The following EYS variants were observed in gnomAD, a reference collection of about 807,000 sequenced individuals.
The protein encoded by EYS is EGF-like photoreceptor maintenance factor, also known as protein eyes shut homolog.
In EYS, 250 loss-of-function variants were observed where a neutral mutation model predicts 282.1. That is an observed-to-expected ratio of 0.89 (90% confidence interval 0.80 to 0.98). EYS has a LOEUF of 0.98. Among genes scored for constraint, EYS ranks in the 50% least tolerant of loss-of-function variants. EYS has a pLI of 0.00. For missense variants in EYS, 4,016 were observed against 3,709.0 expected, an observed-to-expected ratio of 1.08 and a Z score of -2.15; for synonymous variants, 1,355 against 1,282.9, an observed-to-expected ratio of 1.06 and a Z score of -1.20.
chr6:63,907,757 C>G (rs902100134), intron 35 of EYS, among the ~76,000 whole-genome samples: 1 of 152,062 alleles, frequency 6.6e-6, no homozygotes, highest in Non-Finnish European at 1.5e-5. Flanking sequence ...TTTCTCATCT[C>G]TTACTCCCCT....
intron 35 of EYS, among the ~76,000 whole-genome samples, chr6:63,890,782 C>T (rs1773387179): frequency 6.6e-6 from 1 of 152,084 alleles, no homozygotes; most frequent in Admixed American, 6.6e-5. Context: ...ATGAAAAACC[C>T]TTCAAAACAT....
At chr6:64,795,339 G>A (rs1249439900) in intron 22 of EYS, among the ~76,000 whole-genome samples, 6 of 119,230 alleles carry the variant, frequency 5.0e-5, no homozygotes, top group South Asian at 2.7e-4. Context: ...TTGAAGAAAC[G>A]CAAGATGAAG....
chr6:64,302,119 C>T (rs1426139036), intron 30 of EYS, among the ~76,000 whole-genome samples: 1 of 152,188 alleles, frequency 6.6e-6, no homozygotes, highest in Non-Finnish European at 1.5e-5. Context: ...GCCCACAGCT[C>T]ACTGCCCGGT....
intron 41 of EYS, among the ~76,000 whole-genome samples, chr6:63,754,875 C>T (rs1352743833): frequency 2.6e-5 from 4 of 152,120 alleles, no homozygotes; most frequent in Non-Finnish European, 5.9e-5. Flanking sequence ...TTTTAATGAT[C>T]ACCATTCTAA....
At chr6:64,339,506 G>A (rs115463861) in intron 29 of EYS, among the ~76,000 whole-genome samples, 4,736 of 151,872 alleles carry the variant, frequency 0.031, 235 homozygotes, top group African/African-American at 0.11. Flanking sequence ...TGATGATCAG[G>A]GAACACTTCT....
chr6:65,025,634 A>C (rs549508213), intron 13 of EYS, among the ~76,000 whole-genome samples: 51 of 152,288 alleles, frequency 3.3e-4, no homozygotes, highest in African/African-American at 1.2e-3. Context: ...GAACTGTTTG[A>C]ACCCAGGAGG....
chr6:65,278,970 C>T (rs577853778), intron 12 of EYS, among the ~76,000 whole-genome samples: 20 of 152,040 alleles, frequency 1.3e-4, no homozygotes, highest in Non-Finnish European at 2.5e-4. Context: ...GGGCAGATCA[C>T]CTGAGGTCAG....
At position 64,569,275 on chromosome 6, in the gene EYS, T is replaced by C. The variant is rs186018581; in HGVS notation, c.5644+20948A>G. The stretch of plus-strand genomic sequence containing the variant: ...AGGTTAGCGGGATTGCTAATTAGAA[T>C]AACCAGTTTAGAGAAGAACATAAAT... On this transcript the variant is annotated intron_variant, in intron 26 of 42. Transcript: ENST00000503581. 4.2e-3 allele frequency among the ~76,000 whole-genome samples: 631 copies of C among 151,920 alleles called. 14 individuals are homozygous for C. Among genetic ancestry groups the C allele is most frequent in the Admixed American group, 0.038 (575 of 15,268 alleles).
At chr6:64,907,229 A>T (rs999420836) in intron 16 of EYS, among the ~76,000 whole-genome samples, 3 of 151,946 alleles carry the variant, frequency 2.0e-5, no homozygotes, top group Admixed American at 6.6e-5. Context: ...AATTTTTTTT[A>T]AATTTTTTTG....
At chr6:65,019,236 T>A (rs1054007241) in intron 13 of EYS, among the ~76,000 whole-genome samples, 1 of 152,214 alleles carries the variant, frequency 6.6e-6, no homozygotes, top group Non-Finnish European at 1.5e-5. Context: ...AGACTAAACA[T>A]TCTTATTCTT....
At chr6:65,252,368 G>A (rs1253444230) in intron 12 of EYS, among the ~76,000 whole-genome samples, 9 of 151,876 alleles carry the variant, frequency 5.9e-5, no homozygotes, top group Admixed American at 5.3e-4. Flanking sequence ...CAAACACTTA[G>A]GATAAATACA....
At chr6:63,811,821 A>G (rs1562037984) in intron 36 of EYS, among the ~76,000 whole-genome samples, 1 of 152,154 alleles carries the variant, frequency 6.6e-6, no homozygotes, top group Non-Finnish European at 1.5e-5. Context: ...TCAGAGCAAA[A>G]CTAGGCATCA....
chr6:63,964,011 A>C (rs906487014), intron 35 of EYS, among the ~76,000 whole-genome samples: 1 of 152,224 alleles, frequency 6.6e-6, no homozygotes, highest in African/African-American at 2.4e-5. Flanking sequence ...AAGGAAGATT[A>C]AATCTGGTTT....
intron 22 of EYS, among the ~76,000 whole-genome samples, chr6:64,783,147 T>C (rs1272921891): frequency 1.3e-5 from 2 of 152,224 alleles, no homozygotes; most frequent in South Asian, 4.1e-4. Context: ...AGATTGACTG[T>C]CATGGTATCA....
intron 7 of EYS, among the ~76,000 whole-genome samples, chr6:65,389,130 A>G (rs1474473154): frequency 6.6e-6 from 1 of 152,132 alleles, no homozygotes; most frequent in Non-Finnish European, 1.5e-5. Flanking sequence ...TTTCAAAACA[A>G]CAGTCACACA....
At chr6:64,841,947 G>A (rs1765575916) in intron 19 of EYS, among the ~76,000 whole-genome samples, 1 of 152,042 alleles carries the variant, frequency 6.6e-6, no homozygotes, top group African/African-American at 2.4e-5. Flanking sequence ...AATCAAGCAA[G>A]TGATGGAAAT....
intron 30 of EYS, among the ~76,000 whole-genome samples, chr6:64,274,786 C>T (rs956677249): frequency 6.6e-6 from 1 of 152,016 alleles, no homozygotes; most frequent in Non-Finnish European, 1.5e-5. Flanking sequence ...AGAATGACAG[C>T]CTGATCATGT....
At chr6:65,011,473 G>A (rs1200984522) in intron 13 of EYS, among the ~76,000 whole-genome samples, 1 of 152,102 alleles carries the variant, frequency 6.6e-6, no homozygotes, top group Non-Finnish European at 1.5e-5. Context: ...CAGACCCCTG[G>A]ACTGACCAGC....
rs535924062 is a variant in EYS at position 63,720,569 on chromosome 6, G to C, written c.*27C>G. ...ATCAAAATAACTGCATTTATGTATA[G>C]TGTGTACTAAAATCTCTAGTGTTAA... On this transcript the variant is annotated 3_prime_UTR_variant, in exon 43 of 43. Coordinates refer to ENST00000503581, the MANE Select transcript of EYS (RefSeq NM_001142800.2). The C allele has an allele frequency of 8.8e-5, 125 of 1,417,870 alleles. 1 individual carries two copies. The South Asian group carries it at 1.9e-3, about 21-fold the overall frequency. The allele number at this position is 1,417,870 out of a possible 1,614,324, so 87.8% of individuals were successfully genotyped here.
Sources: gnomAD v4.1 joint callset for allele counts (sites outside exome capture counted in the v4.1 genomes callset) on GRCh38, gnomAD v4.1.1 for gene constraint, MANE v1.5 for transcripts, NCBI Gene and HGNC (gene_info 2026-07-23, HGNC 2026-07-21) for gene names.